Variants in HSD17B4 observed in about 807,000 individuals in gnomAD.
HSD17B4 encodes the protein hydroxysteroid 17-beta dehydrogenase 4, also known as peroxisomal multifunctional enzyme type 2.
A neutral mutation model predicts 101.0 loss-of-function variants in HSD17B4; 70 were observed. The ratio of observed to expected loss-of-function variants is 0.69; its 90% confidence interval spans 0.57 to 0.85. HSD17B4 has a LOEUF of 0.85. HSD17B4 is among the 40% of genes least tolerant of loss of function. The pLI is 0.00. For synonymous variants in HSD17B4, 347 were observed against 297.1 expected (o/e 1.17, Z -1.73); for missense variants, 984 against 892.4 (o/e 1.10, Z -1.31).
chr5:119,479,068 A>T, intron 8 of HSD17B4, 47 bp downstream of exon 8: 1 of 1,345,610 alleles, frequency 7.4e-7, no homozygotes, highest in Non-Finnish European at 1.1e-6. Context: ...TTACAAACCT[A>T]TGTGGAATGA....
chr5:119,532,842 C>T (rs1339885079), intron 22 of HSD17B4, among the ~76,000 whole-genome samples: 1 of 151,962 alleles, frequency 6.6e-6, no homozygotes, highest in Non-Finnish European at 1.5e-5. Flanking sequence ...ACTCCAGAAA[C>T]CAAAAAGCTC....
chr5:119,504,415 T>C (rs1344869042), intron 14 of HSD17B4, among the ~76,000 whole-genome samples: 2 of 152,160 alleles, frequency 1.3e-5, no homozygotes, highest in Non-Finnish European at 2.9e-5. Flanking sequence ...ATAAATGTTC[T>C]GTTTTATCTG....
At position 119,541,892 on chromosome 5, in the gene HSD17B4, C is replaced by T. The variant is rs1177927217; in HGVS notation, c.2122-13C>T. ...GTAACAGTTGGCACTCTTTTTCCCT[C>T]CTCTCCTTGCAGGCATTCTTTAGTG... is the stretch of plus-strand genomic sequence containing the variant. On this transcript the variant is annotated splice_polypyrimidine_tract_variant and intron_variant, in intron 23 of 23. Coordinates refer to ENST00000510025, the MANE Select transcript of HSD17B4 (RefSeq NM_000414.4). The T allele has an allele frequency of 1.3e-6, 2 of 1,561,008 alleles. No individual in the cohort carries two copies. The highest frequency in any genetic ancestry group is 2.7e-5 in the African/African-American group (2 of 73,688).
At chr5:119,478,795 A>G (rs1370812710) in intron 7 of HSD17B4, 39 bp from the exon 8 acceptor site, 2 of 1,547,300 alleles carry the variant, frequency 1.3e-6, no homozygotes, top group African/African-American at 2.7e-5. Context: ...TTATCAAATT[A>G]TGGAAAAGAT....
In HSD17B4 at chr5:119,496,539, T is replaced by G. The variant is rs1257077894; in HGVS notation, c.869-4T>G. ...TTTTTTTTGTTTTTCATTTTTCATT[T>G]TAGAATCAACTGGCAGTATAATTGA... On this transcript the variant is annotated splice_polypyrimidine_tract_variant and splice_region_variant and intron_variant, in intron 11 of 23. Transcript: ENST00000510025. 4.1e-6 allele frequency: 6 copies of G among 1,479,392 alleles called. No individual in the cohort carries two copies. Among genetic ancestry groups the G allele is most frequent in the Non-Finnish European group, 5.7e-6 (6 of 1,057,898 alleles). The allele number at this position is 1,479,392 out of a possible 1,614,324, so 91.6% of individuals were successfully genotyped here.
At chr5:119,464,532 G>A (rs1236706291) in intron 2 of HSD17B4, 1 of 151,854 alleles carries the variant, frequency 6.6e-6, no homozygotes, top group African/African-American at 2.4e-5. Flanking sequence ...TATCTATTCT[G>A]TTCCATTGGT....
intron 21 of HSD17B4, among the ~76,000 whole-genome samples, chr5:119,530,853 AAAAAAAAAAACAAAAAAC>A (rs1754017984): frequency 6.9e-6 from 1 of 145,600 alleles, no homozygotes; most frequent in East Asian, 2.1e-4. Flanking sequence ...CTCAAAAAAA[AAAAAAAAAAACAAAAAAC>A]AAAAAAAACC....
At chr5:119,525,368 G>T in intron 18 of HSD17B4, 83 bp downstream of exon 18, 1 of 850,708 alleles carries the variant, frequency 1.2e-6, no homozygotes, top group South Asian at 1.4e-5. Context: ...TACTACTTAT[G>T]ACTGGTAGTT....
chr5:119,502,126 TACTTTTATTTCCAG>T, intron 14 of HSD17B4, 34 bp downstream of exon 14: 1 of 1,324,634 alleles, frequency 7.5e-7, no homozygotes, highest in Non-Finnish European at 1.1e-6. Flanking sequence ...CATAATACCA[TACTTTTATTTCCAG>T]ATTAACCTTT....
chr5:119,542,037 T>C lies in HSD17B4; in HGVS notation c.*43T>C. 1 of 1,257,948 alleles carries C rather than the reference T, an allele frequency of 7.9e-7. No individual in the cohort carries two copies. Among genetic ancestry groups the C allele is most frequent in the Non-Finnish European group, 1.2e-6 (1 of 857,678 alleles). 77.9% of individuals were successfully genotyped at this position (1,257,948 alleles called of 1,614,324 possible). A position where few individuals can be genotyped will look rare whatever the true frequency, so the allele number is the denominator to read the frequency against. On this transcript the variant is annotated 3_prime_UTR_variant, in exon 24 of 24. Coordinates refer to ENST00000510025, the MANE Select transcript of HSD17B4 (RefSeq NM_000414.4). ...TAATAAAAATGGAATCATTAAATAC[T>C]CTCTTCACCCAAATATGCTTGATTA...
intron 2 of HSD17B4, among the ~76,000 whole-genome samples, chr5:119,472,224 G>A (rs1184726060): frequency 6.6e-6 from 1 of 152,110 alleles, no homozygotes; most frequent in Non-Finnish European, 1.5e-5. Flanking sequence ...GCTCATGCGT[G>A]TTTCTTTTAA....
At chr5:119,490,651 C>T (rs551793425) in intron 9 of HSD17B4, among the ~76,000 whole-genome samples, 66 of 152,154 alleles carry the variant, frequency 4.3e-4, no homozygotes, top group Non-Finnish European at 8.8e-4. Flanking sequence ...TCACTGCAAC[C>T]TCCGCCTCCC....
chr5:119,500,241 G>C (rs1751034409), intron 13 of HSD17B4, among the ~76,000 whole-genome samples: 2 of 151,986 alleles, frequency 1.3e-5, no homozygotes, highest in Admixed American at 1.3e-4. Context: ...TGCTGCATAT[G>C]AGGGTTAGAA....
intron 14 of HSD17B4, among the ~76,000 whole-genome samples, chr5:119,506,587 G>A (rs549492561): frequency 5.9e-5 from 9 of 152,284 alleles, no homozygotes; most frequent in East Asian, 1.9e-4. Context: ...TTGAGGAATC[G>A]CCACACTGTC....
rs764210806 is a variant in HSD17B4, at chr5:119,515,055, G to A, written c.1503+9G>A. The A allele has an allele frequency of 9.8e-6, 15 of 1,525,332 alleles. No individual in the cohort carries two copies. In the South Asian group the frequency reaches 1.6e-4, roughly 16 times the overall value. The allele number at this position is 1,525,332 out of a possible 1,614,324, so 94.5% of individuals were successfully genotyped here. On this transcript the variant is annotated intron_variant, in intron 17 of 23. Coordinates refer to ENST00000510025, the MANE Select transcript of HSD17B4 (RefSeq NM_000414.4). ...CCACCTCTCTTAATCAGGTAAGATT[G>A]TATTTTTGAAAAATGATAAATCCAC... is the stretch of plus-strand genomic sequence containing the variant.
intron 23 of HSD17B4, among the ~76,000 whole-genome samples, chr5:119,540,683 TCTGA>T (rs888478997): frequency 9.2e-5 from 14 of 152,216 alleles, no homozygotes; most frequent in Non-Finnish European, 1.6e-4. Flanking sequence ...ATGAGCTCTC[TCTGA>T]CTATTTCTGG....
At chr5:119,511,185 AACAC>A (rs1436536155) in intron 16 of HSD17B4, among the ~76,000 whole-genome samples, 1 of 152,186 alleles carries the variant, frequency 6.6e-6, no homozygotes, top group Non-Finnish European at 1.5e-5. Context: ...AGGCTGTAAT[AACAC>A]AAAGTTCTGA....
chr5:119,524,933 TTGTGAA>T (rs919553514), intron 17 of HSD17B4, among the ~76,000 whole-genome samples: 1 of 152,136 alleles, frequency 6.6e-6, no homozygotes, highest in Non-Finnish European at 1.5e-5. Context: ...TGACTTCTTT[TTGTGAA>T]TTTCTCCTTA....
intron 2 of HSD17B4, chr5:119,464,681 C>T (rs1755636573): frequency 6.6e-6 from 1 of 151,466 alleles, no homozygotes; most frequent in African/African-American, 2.4e-5. Flanking sequence ...CAACCTTCAC[C>T]TCCTGGGTTC....
Sources: gnomAD v4.1 joint callset for allele counts (sites outside exome capture counted in the v4.1 genomes callset) on GRCh38, gnomAD v4.1.1 for gene constraint, MANE v1.5 for transcripts, NCBI Gene and HGNC (gene_info 2026-07-23, HGNC 2026-07-21) for gene names.